The following PTPRN2 variants were observed in gnomAD, a reference collection of about 807,000 sequenced individuals.
PTPRN2 encodes the protein receptor-type tyrosine-protein phosphatase N2.
In PTPRN2, 74 loss-of-function variants were observed where a neutral mutation model predicts 118.8. The ratio of observed to expected loss-of-function variants is 0.62; its 90% CI spans 0.52 to 0.76. The LOEUF is 0.76. PTPRN2 is among the 30% of genes least tolerant of loss of function. PTPRN2 has a pLI of 0.00. For missense variants in PTPRN2, 1,481 were observed against 1,394.4 expected (o/e 1.06, Z -0.99); for synonymous variants, 641 against 608.0 (o/e 1.05, Z -0.80).
At position 157,813,931 on chromosome 7, in the gene PTPRN2, G is replaced by A. The variant is rs542526982; in HGVS notation, c.1788+84742C>T. 4.1e-4 allele frequency among the ~76,000 whole-genome samples: 62 copies of A among 152,366 alleles called. No individual in the cohort carries two copies. The highest frequency in any genetic ancestry group is 7.9e-4 in the Non-Finnish European group (54 of 68,036). On this transcript the variant is annotated intron_variant, in intron 12 of 22. Coordinates refer to ENST00000389418, the MANE Select transcript of PTPRN2 (RefSeq NM_002847.5). This position sits in a 1 kb window ranked among gnomAD's most constrained non-coding sequence, Gnocchi z 4.7. ...TGCTGGTGACCCCGGGGACCCCGCC[G>A]TGAGAGCCCCGACACAAGTCGCGGT...
chr7:158,582,765 C>T (rs986509770), intron 1 of PTPRN2, among the ~76,000 whole-genome samples: 2 of 138,764 alleles, frequency 1.4e-5, no homozygotes, highest in African/African-American at 2.8e-5. Flanking sequence ...CCATTGTACT[C>T]CAGCCTGGGT....
At chr7:158,263,707 G>A (rs1029160829) in intron 3 of PTPRN2, among the ~76,000 whole-genome samples, 9 of 152,202 alleles carry the variant, frequency 5.9e-5, no homozygotes, top group South Asian at 2.1e-4. Context: ...ATGGGTGGGC[G>A]CCCAGCACCT....
chr7:158,248,142 G>A (rs898083120), intron 3 of PTPRN2, among the ~76,000 whole-genome samples: 1 of 152,226 alleles, frequency 6.6e-6, no homozygotes, highest in African/African-American at 2.4e-5. Context: ...CTGGGGCTTT[G>A]CTCAGAGCCC....
At chr7:157,871,184 G>T (rs1811024386) in intron 12 of PTPRN2, among the ~76,000 whole-genome samples, 1 of 152,186 alleles carries the variant, frequency 6.6e-6, no homozygotes, top group African/African-American at 2.4e-5. Flanking sequence ...AGGCCCAGTT[G>T]CTCAAAGCTG....
chr7:158,268,272 T>C (rs1295334480), intron 3 of PTPRN2, among the ~76,000 whole-genome samples: 2 of 145,268 alleles, frequency 1.4e-5, no homozygotes, highest in Non-Finnish European at 3.0e-5. Context: ...GGGTGTGAAA[T>C]ATCCCAGCCC....
chr7:157,552,917 C>T lies in PTPRN2; in HGVS notation c.2903-3898G>A, dbSNP rs113607256. ...GGTCCAGTGAGATGACGCATGATTA[C>T]GTGTAATTTACAAAACACATTTGAT... On this transcript the variant is annotated intron_variant, in intron 21 of 22. Coordinates refer to ENST00000389418, the MANE Select transcript of PTPRN2 (RefSeq NM_002847.5). Among the ~76,000 whole-genome samples the T allele has an allele frequency of 3.1e-3, 479 of 152,328 alleles. 3 individuals carry two copies. The highest frequency in any genetic ancestry group is 9.4e-3 in the African/African-American group (391 of 41,574).
intron 2 of PTPRN2, among the ~76,000 whole-genome samples, chr7:158,391,571 C>G (rs1389913950): frequency 6.6e-6 from 1 of 152,236 alleles, no homozygotes; most frequent in African/African-American, 2.4e-5. Context: ...TGCCCACCTA[C>G]CCCGCAGGAG....
chr7:157,898,040 C>T (rs1016257186), intron 12 of PTPRN2, among the ~76,000 whole-genome samples: 4 of 152,242 alleles, frequency 2.6e-5, no homozygotes, highest in Admixed American at 2.6e-4. Flanking sequence ...TGCGGGGAGG[C>T]GCCTGCGGCT....
chr7:158,226,524 G>A (rs566371525), intron 3 of PTPRN2, among the ~76,000 whole-genome samples: 14 of 152,296 alleles, frequency 9.2e-5, no homozygotes, highest in African/African-American at 2.9e-4. Context: ...AGACTGCTGA[G>A]AGGGAAACGG....
rs1798521958 is a variant in PTPRN2 at position 157,550,141 on chromosome 7, C to T, written c.2903-1122G>A. Among the ~76,000 whole-genome samples the T allele has an allele frequency of 6.6e-6, 1 of 152,222 alleles. No individual in the cohort carries two copies. The highest frequency in any genetic ancestry group is 1.5e-5 in the Non-Finnish European group (1 of 68,050). On this transcript the variant is annotated intron_variant, in intron 21 of 22. Coordinates refer to ENST00000389418, the MANE Select transcript of PTPRN2 (RefSeq NM_002847.5). This position sits in a 1 kb window ranked among gnomAD's most constrained non-coding sequence, Gnocchi z 5.2. ...CCTGAGTGCACACCACATTCCTCGC[C>T]CAGCGAATCAGGAGAGAAGCTTTAA...
rs1179837165 is a variant in PTPRN2 at position 157,874,893 on chromosome 7, T to A, written c.1788+23780A>T. Among the ~76,000 whole-genome samples, 3 of 146,316 alleles carry A rather than the reference T, an allele frequency of 2.1e-5. No homozygotes were observed. The highest frequency in any genetic ancestry group is 4.5e-5 in the Non-Finnish European group (3 of 66,410). Reference sequence around the variant, plus strand: ...TGCACATACACACACGGAGACACACTCGTGCACATACACACACACTCATGC... The same window carrying A: ...TGCACATACACACACGGAGACACACACGTGCACATACACACACACTCATGC... On this transcript the variant is annotated intron_variant, in intron 12 of 22. Coordinates refer to ENST00000389418, the MANE Select transcript of PTPRN2 (RefSeq NM_002847.5). The surrounding 1 kb of genome is among the most constrained non-coding windows in gnomAD (Gnocchi z 5.8).
At chr7:157,983,511 AGCTTCCAGGTGCT>A (rs1803477388) in intron 11 of PTPRN2, among the ~76,000 whole-genome samples, 2 of 152,176 alleles carry the variant, frequency 1.3e-5, no homozygotes, top group African/African-American at 4.8e-5. Flanking sequence ...ATCCCACCCC[AGCTTCCAGGTGCT>A]TCTGACACAG....
chr7:158,085,625 C>A (rs1280914700), intron 10 of PTPRN2, among the ~76,000 whole-genome samples: 5 of 113,728 alleles, frequency 4.4e-5, no homozygotes, highest in African/African-American at 6.9e-5. Context: ...CCATCCACAC[C>A]CTCGACGCCC....
At position 157,986,587 on chromosome 7, in the gene PTPRN2, C is replaced by T. The variant is rs1803807403; in HGVS notation, c.1724-87850G>A. On this transcript the variant is annotated intron_variant, in intron 11 of 22. Transcript: ENST00000389418. The surrounding 1 kb of genome is among the most constrained non-coding windows in gnomAD (Gnocchi z 4.5). ...GCCTTTCTGCGACATCTGCACTATT[C>T]AGACATCACGCTTCCTTTCGTCCTC... is the stretch of plus-strand genomic sequence containing the variant. Among the ~76,000 whole-genome samples, 1 of 152,204 alleles carries T rather than the reference C, an allele frequency of 6.6e-6. No homozygotes were observed. The highest frequency in any genetic ancestry group is 6.5e-5 in the Admixed American group (1 of 15,288).
At position 157,626,624 on chromosome 7, in the gene PTPRN2, T is replaced by C. The variant is rs893632348; in HGVS notation, c.2197-5115A>G. 2.0e-5 allele frequency among the ~76,000 whole-genome samples: 3 copies of C among 152,160 alleles called. No homozygotes were observed. The East Asian group carries it at 5.8e-4, about 29-fold the overall frequency. On this transcript the variant is annotated intron_variant, in intron 14 of 22. Coordinates refer to ENST00000389418, the MANE Select transcript of PTPRN2 (RefSeq NM_002847.5). ...CACATTCTTCCTGTTGCTTTAACTG[T>C]GGGTTTCAAGCTCTGATTCTTCTCA...
At chr7:158,233,387 C>T (rs1000639997) in intron 3 of PTPRN2, among the ~76,000 whole-genome samples, 3 of 152,018 alleles carry the variant, frequency 2.0e-5, no homozygotes, top group South Asian at 2.1e-4. Flanking sequence ...ACAAGGAAAA[C>T]GATACAACAC....
intron 2 of PTPRN2, among the ~76,000 whole-genome samples, chr7:158,327,301 TCTCACA>T (rs1803692612): frequency 8.0e-6 from 1 of 125,304 alleles, no homozygotes; most frequent in Admixed American, 8.3e-5. Flanking sequence ...ATGTACACAT[TCTCACA>T]CATACACATT....
At chr7:158,440,775 AGTG>A (rs1489746571) in intron 2 of PTPRN2, among the ~76,000 whole-genome samples, 4 of 108,458 alleles carry the variant, frequency 3.7e-5, no homozygotes, top group Admixed American at 1.1e-4. Flanking sequence ...TGTTAGTGAT[AGTG>A]GTGATGGTGA....
chr7:158,120,027 G>A (rs1044581890), intron 9 of PTPRN2, among the ~76,000 whole-genome samples: 4 of 152,188 alleles, frequency 2.6e-5, no homozygotes, highest in Admixed American at 2.6e-4. Context: ...GCCCTGAACA[G>A]GAAGAAATTC....
Sources: gnomAD v4.1 joint callset for allele counts (sites outside exome capture counted in the v4.1 genomes callset) on GRCh38, gnomAD v4.1.1 for gene constraint, Gnocchi (gnomAD v3.1) non-coding constraint, MANE v1.5 for transcripts, NCBI Gene and HGNC (gene_info 2026-07-23, HGNC 2026-07-21) for gene names.